The following ZNF654 variants were observed in gnomAD, a reference collection of about 807,000 sequenced individuals.
ZNF654 encodes melanoma-associated antigen.
In ZNF654, 19 loss-of-function variants were observed where a neutral mutation model predicts 95.3. The observed-to-expected ratio is 0.20, with a 90% CI of 0.14 to 0.29. The LOEUF (loss-of-function observed/expected upper bound fraction) is 0.29. ZNF654 is among the 10% of genes least tolerant of loss of function. The pLI is 1.00. For synonymous variants in ZNF654, 413 were observed against 457.9 expected (o/e 0.90, Z 1.25); for missense variants, 1,046 against 1,341.0 (o/e 0.78, Z 3.44).
chr3:88,103,654 A>C (rs953824773), intron 2 of ZNF654, among the ~76,000 whole-genome samples: 14 of 152,172 alleles, frequency 9.2e-5, no homozygotes, highest in Non-Finnish European at 2.1e-4. Context: ...AAAAGACATG[A>C]TCCAAAGAAG....
intron 2 of ZNF654, among the ~76,000 whole-genome samples, chr3:88,111,219 GT>G (rs1705071587): frequency 6.6e-6 from 1 of 151,914 alleles, no homozygotes; most frequent in African/African-American, 2.4e-5. Flanking sequence ...TGTTGGGCTT[GT>G]TTTATACTTA....
chr3:88,136,753 C>G (rs1706810574), intron 7 of ZNF654, among the ~76,000 whole-genome samples: 1 of 152,108 alleles, frequency 6.6e-6, no homozygotes. Flanking sequence ...TGCAACAGTT[C>G]ATTCATTTCA....
At chr3:88,132,563 C>T (rs1706529794) in intron 6 of ZNF654, among the ~76,000 whole-genome samples, 1 of 152,100 alleles carries the variant, frequency 6.6e-6, no homozygotes, top group East Asian at 1.9e-4. Context: ...GTTTTAAATC[C>T]AATCAAAATG....
intron 3 of ZNF654, among the ~76,000 whole-genome samples, chr3:88,116,027 AAGAG>A (rs1410787472): frequency 7.2e-5 from 11 of 152,058 alleles, no homozygotes; most frequent in African/African-American, 2.4e-4. Context: ...TATAGAGAGA[AAGAG>A]AGAACTTCCA....
intron 2 of ZNF654, among the ~76,000 whole-genome samples, chr3:88,104,671 T>G (rs1213539013): frequency 6.6e-6 from 1 of 152,174 alleles, no homozygotes; most frequent in Admixed American, 6.5e-5. Flanking sequence ...ATTTGTAAAC[T>G]CTAGAGTAAC....
At chr3:88,099,462 A>G (rs1704268441) in intron 2 of ZNF654, among the ~76,000 whole-genome samples, 1 of 152,222 alleles carries the variant, frequency 6.6e-6, no homozygotes, top group Admixed American at 6.5e-5. Context: ...TCTTCACAGA[A>G]TTGGAAAAAA....
intron 2 of ZNF654, among the ~76,000 whole-genome samples, chr3:88,104,762 A>G (rs1450389530): frequency 6.6e-6 from 1 of 152,244 alleles, no homozygotes; most frequent in Non-Finnish European, 1.5e-5. Flanking sequence ...AGAAGGAGGA[A>G]GAAGAGGTCA....
chr3:88,127,309 T>G (rs997513355), intron 4 of ZNF654, among the ~76,000 whole-genome samples: 12 of 151,938 alleles, frequency 7.9e-5, no homozygotes, highest in Admixed American at 1.3e-4. Flanking sequence ...TGCAGTTAAG[T>G]GGAGGAGGAG....
rs1704235665 is a variant in ZNF654, at chr3:88,099,001, A to C, written c.332+12599A>C. ...TCTGGCCGGGGCAATCAGGCGAGAG[A>C]AAGAAATAAAGGGTATTCAGTTAGG... is the stretch of plus-strand genomic sequence containing the variant. On this transcript the variant is annotated intron_variant, in intron 2 of 8. Coordinates refer to ENST00000636215, the MANE Select transcript of ZNF654 (RefSeq NM_001350134.2). Among the ~76,000 whole-genome samples, 4 of 152,172 alleles carry C rather than the reference A, an allele frequency of 2.6e-5. No homozygotes were observed. The South Asian group carries it at 8.3e-4, about 32-fold the overall frequency.
intron 1 of ZNF654, 74 bp downstream of exon 1, chr3:88,059,579 C>T (rs143133461): frequency 2.4e-5 from 35 of 1,441,694 alleles, no homozygotes; most frequent in Non-Finnish European, 3.1e-5. Flanking sequence ...TCTTCTCGTC[C>T]ATGAATCTGG....
At chr3:88,102,946 G>T (rs960200518) in intron 2 of ZNF654, among the ~76,000 whole-genome samples, 2 of 150,668 alleles carry the variant, frequency 1.3e-5, no homozygotes, top group Non-Finnish European at 2.9e-5. Context: ...CAGGTGGTAA[G>T]CATACTAACC....
intron 7 of ZNF654, among the ~76,000 whole-genome samples, chr3:88,137,022 C>G (rs139685518): frequency 0.026 from 3,993 of 151,736 alleles, 411 homozygotes; most frequent in Admixed American, 0.2. Flanking sequence ...TGGTGAAACC[C>G]CATCTCTACT....
At chr3:88,080,097 G>GT (rs1231998391) in intron 1 of ZNF654, among the ~76,000 whole-genome samples, 1 of 151,798 alleles carries the variant, frequency 6.6e-6, no homozygotes, top group Non-Finnish European at 1.5e-5. Flanking sequence ...GAATCTTCAG[G>GT]TATCTGTTCA....
At position 88,105,239 on chromosome 3, in the gene ZNF654, T is replaced by A. The variant is rs1292242693; in HGVS notation, c.333-7876T>A. Among the ~76,000 whole-genome samples the A allele has an allele frequency of 1.3e-5, 2 of 151,958 alleles. 1 individual carries two copies. The highest frequency in any genetic ancestry group is 2.9e-5 in the Non-Finnish European group (2 of 68,000). On this transcript the variant is annotated intron_variant, in intron 2 of 8. Transcript: ENST00000636215. Reference sequence around the variant, plus strand: ...CAAGGTCCAACTAACAAATAACATATCCATGCCCTTTTTTAGATAAACAGA... The same window carrying A: ...CAAGGTCCAACTAACAAATAACATAACCATGCCCTTTTTTAGATAAACAGA...
chr3:88,060,088 A>G (rs1338838476), intron 1 of ZNF654, among the ~76,000 whole-genome samples: 1 of 151,774 alleles, frequency 6.6e-6, no homozygotes, highest in Non-Finnish European at 1.5e-5. Flanking sequence ...CTTTTTTCGG[A>G]CAGAGAGTGC....
At chr3:88,092,930 T>G (rs994706361) in intron 2 of ZNF654, among the ~76,000 whole-genome samples, 2 of 152,164 alleles carry the variant, frequency 1.3e-5, no homozygotes, top group Non-Finnish European at 2.9e-5. Flanking sequence ...GGAAGGAAAG[T>G]GGATTCTGCT....
chr3:88,090,603 TAC>T (rs894960993), intron 2 of ZNF654, among the ~76,000 whole-genome samples: 1 of 152,200 alleles, frequency 6.6e-6, no homozygotes, highest in African/African-American at 2.4e-5. Flanking sequence ...AGCCTACATA[TAC>T]AGTGTTTATA....
At chr3:88,112,290 T>TAA (rs11391605) in intron 2 of ZNF654, among the ~76,000 whole-genome samples, 4 of 151,484 alleles carry the variant, frequency 2.6e-5, no homozygotes, top group Admixed American at 6.6e-5. Context: ...CAAAAACTAT[T>TAA]AAAAAAACAA....
Position 88,140,220 on chromosome 3 carries a change from T to A in ZNF654, c.2551T>A (p.Cys851Ser). Residue 851 changes from cysteine to serine, a missense_variant, in exon 8 of 9, where the codon TGC becomes AGC. By Grantham distance (112) the Cys-to-Ser change is moderately radical (BLOSUM62 -1). Coordinates refer to ENST00000636215, the MANE Select transcript of ZNF654 (RefSeq NM_001350134.2). ...IFQAQCSFPE[C>S]HELFEDLPLL... ...TCAGGCTCAGTGTAGTTTTCCAGAA[T>A]GCCATGAGCTTTTTGAAGATCTTCC... The A allele has an allele frequency of 6.2e-7, 1 of 1,613,532 alleles. No individual in the cohort carries two copies. Among genetic ancestry groups the A allele is most frequent in the Non-Finnish European group, 8.5e-7 (1 of 1,179,688 alleles).
Sources: allele counts gnomAD v4.1 joint callset (sites outside exome capture counted in the v4.1 genomes callset), GRCh38; gene constraint gnomAD v4.1.1; transcripts MANE v1.5; gene names NCBI Gene and HGNC (gene_info 2026-07-23, HGNC 2026-07-21).